The following FAM193A variants were observed in gnomAD, a reference collection of about 807,000 sequenced individuals.
The protein encoded by FAM193A is protein FAM193A.
In FAM193A, 22 loss-of-function variants were observed where a neutral mutation model predicts 126.5. The observed-to-expected ratio is 0.17, with a 90% confidence interval of 0.12 to 0.25. The LOEUF (loss-of-function observed/expected upper bound fraction) is 0.25, where lower values mean the gene tolerates loss of function less well. Among genes scored for constraint, FAM193A ranks in the 10% least tolerant of loss-of-function variants. The pLI is 1.00. For synonymous variants in FAM193A, 761 were observed against 646.8 expected (o/e 1.18, Z -2.68); for missense variants, 1,675 against 1,672.8 (o/e 1.00, Z -0.02).
chr4:2,661,980 G>A (rs530968547), intron 10 of FAM193A, among the ~76,000 whole-genome samples: 1 of 152,228 alleles, frequency 6.6e-6, no homozygotes, highest in East Asian at 1.9e-4. Flanking sequence ...TCAGGGGATT[G>A]AGACTATCCT....
At chr4:2,641,666 C>T (rs1397930290) in intron 6 of FAM193A, among the ~76,000 whole-genome samples, 1 of 152,070 alleles carries the variant, frequency 6.6e-6, no homozygotes, top group Non-Finnish European at 1.5e-5. Context: ...AAACAAAATA[C>T]AAAAACAAAC....
chr4:2,677,267 G>C (rs891718444), intron 13 of FAM193A, among the ~76,000 whole-genome samples: 1 of 152,142 alleles, frequency 6.6e-6, no homozygotes, highest in East Asian at 1.9e-4. Context: ...TATATCTGAA[G>C]TTCCAGTTTT....
intron 8 of FAM193A, 26 bp from the exon 9 acceptor site, chr4:2,659,532 T>C (rs748352095): frequency 1.3e-6 from 2 of 1,514,010 alleles, no homozygotes; most frequent in African/African-American, 1.4e-5. Flanking sequence ...TCTTGCAAGA[T>C]TAAAGCATTT....
At chr4:2,679,200 G>A (rs1351241524) in intron 13 of FAM193A, among the ~76,000 whole-genome samples, 9 of 151,924 alleles carry the variant, frequency 5.9e-5, no homozygotes, top group African/African-American at 2.2e-4. Context: ...TGTTAATGTG[G>A]CATATTAACA....
At chr4:2,604,748 G>A (rs940632415) in intron 2 of FAM193A, among the ~76,000 whole-genome samples, 3 of 147,752 alleles carry the variant, frequency 2.0e-5, no homozygotes, top group Non-Finnish European at 3.0e-5. Flanking sequence ...TAGACTTTAC[G>A]TGGTTTTAAT....
At chr4:2,675,566 C>T (rs1248169057) in intron 13 of FAM193A, among the ~76,000 whole-genome samples, 1 of 152,242 alleles carries the variant, frequency 6.6e-6, no homozygotes, top group Admixed American at 6.5e-5. Flanking sequence ...TATAGCTCCT[C>T]TAGCTTTCTT....
chr4:2,701,628 C>G (rs1157870925), intron 19 of FAM193A, among the ~76,000 whole-genome samples: 1 of 152,154 alleles, frequency 6.6e-6, no homozygotes, highest in Non-Finnish European at 1.5e-5. Context: ...CCCATTTTCA[C>G]TACGGTCAAG....
At chr4:2,721,539 C>A (rs232710) in intron 20 of FAM193A, among the ~76,000 whole-genome samples, 5,744 of 152,178 alleles carry the variant, frequency 0.038, 375 homozygotes, top group African/African-American at 0.13. Context: ...AAGCTTTTGA[C>A]CACTAAACTA....
chr4:2,565,982 T>G (rs1241389858), intron 1 of FAM193A, among the ~76,000 whole-genome samples: 1 of 152,120 alleles, frequency 6.6e-6, no homozygotes, highest in African/African-American at 2.4e-5. Flanking sequence ...CCAGTATTTT[T>G]GAGAAAAAGA....
rs192326069 is a variant in FAM193A, at chr4:2,708,855, T to C, written c.4373-7168T>C. Among the ~76,000 whole-genome samples the C allele has an allele frequency of 3.4e-3, 525 of 152,326 alleles. 4 individuals carry two copies. Among genetic ancestry groups the C allele is most frequent in the African/African-American group, 0.012 (480 of 41,572 alleles). Reference sequence around the variant, plus strand: ...GGGGTTTTCCAGGCATTCTATTATATATGTGTACAAATAGAGAAAGTTTTA... The same window carrying C: ...GGGGTTTTCCAGGCATTCTATTATACATGTGTACAAATAGAGAAAGTTTTA... On this transcript the variant is annotated intron_variant, in intron 19 of 20. Coordinates refer to ENST00000637812, the MANE Select transcript of FAM193A (RefSeq NM_001366318.2).
At chr4:2,598,364 T>C (rs1740991663) in intron 2 of FAM193A, among the ~76,000 whole-genome samples, 1 of 152,254 alleles carries the variant, frequency 6.6e-6, no homozygotes, top group South Asian at 2.1e-4. Context: ...AATTAATTGA[T>C]GGATGTTTGT....
chr4:2,574,827 AAAC>A (rs1297385419), intron 1 of FAM193A, among the ~76,000 whole-genome samples: 1 of 152,242 alleles, frequency 6.6e-6, no homozygotes, highest in Non-Finnish European at 1.5e-5. Flanking sequence ...GTTTCTTCAA[AAAC>A]AACATTAAGT....
chr4:2,585,421 TG>T (rs148827003), intron 1 of FAM193A, among the ~76,000 whole-genome samples: 207 of 152,344 alleles, frequency 1.4e-3, no homozygotes, highest in Non-Finnish European at 2.5e-3. Flanking sequence ...GCCTCTCTGG[TG>T]GGTAAATGGT....
chr4:2,718,291 A>AG (rs1214439343), intron 20 of FAM193A, among the ~76,000 whole-genome samples: 2 of 152,160 alleles, frequency 1.3e-5, no homozygotes, highest in African/African-American at 4.8e-5. Context: ...AGAATAATAG[A>AG]GAAAAAAAGA....
Position 2,700,125 on chromosome 4 carries a change from A to G in FAM193A, c.3953A>G (p.His1318Arg), listed in dbSNP as rs768734305. The change falls in exon 19 of 21, where the codon CAT becomes CGT. Residue 1318 changes from histidine to arginine, a missense_variant. His to Arg is a conservative substitution (Grantham distance 29). This residue lies in a region of FAM193A where 415 missense variants were observed against 396.7 expected (regional missense o/e 1.05). Transcript: ENST00000637812. ...LLPKEVNGKQ[H>R]EPLSFFFDIM... ...CCCAAGGAGGTGAATGGGAAGCAGCATGAGCCACTCTCTTTTTTCTTCGAC... is the reference window on the plus strand; with the variant it reads ...CCCAAGGAGGTGAATGGGAAGCAGCGTGAGCCACTCTCTTTTTTCTTCGAC... 1 of 1,613,840 alleles carries G rather than the reference A, an allele frequency of 6.2e-7. No individual in the cohort carries two copies. The highest frequency in any genetic ancestry group is 8.5e-7 in the Non-Finnish European group (1 of 1,179,994).
intron 2 of FAM193A, among the ~76,000 whole-genome samples, chr4:2,601,380 G>A (rs975398361): frequency 3.3e-5 from 5 of 151,430 alleles, no homozygotes; most frequent in Non-Finnish European, 4.4e-5. Context: ...CTGTAGGCGC[G>A]TACCACCACA....
chr4:2,618,273 A>T (rs142821177), intron 2 of FAM193A, among the ~76,000 whole-genome samples: 290 of 152,278 alleles, frequency 1.9e-3, no homozygotes, highest in Non-Finnish European at 3.5e-3. Flanking sequence ...GTGTGGGCTT[A>T]CATAGTGTGA....
At chr4:2,545,833 C>A (rs1351675679) in intron 1 of FAM193A, among the ~76,000 whole-genome samples, 1 of 152,026 alleles carries the variant, frequency 6.6e-6, no homozygotes, top group East Asian at 1.9e-4. Flanking sequence ...AGGTGTGCAC[C>A]ACCATGCCTG....
intron 19 of FAM193A, among the ~76,000 whole-genome samples, chr4:2,710,177 C>CTTTTTTTTTTTTTTTTTTT (rs1300302935): frequency 1.4e-5 from 1 of 73,854 alleles, no homozygotes; most frequent in Non-Finnish European, 2.5e-5. Flanking sequence ...TTTTTTTTTT[C>CTTTTTTTTTTTTTTTTTTT]TTTTTTTTTT....
Sources: allele counts gnomAD v4.1 joint callset (sites outside exome capture counted in the v4.1 genomes callset), GRCh38; gene constraint gnomAD v4.1.1; regional missense constraint gnomAD v4.1.1; transcripts MANE v1.5; gene names NCBI Gene and HGNC (gene_info 2026-07-23, HGNC 2026-07-21).